Variants in FOXN3 observed in about 807,000 individuals in gnomAD.
FOXN3 encodes the protein forkhead box protein N3.
FOXN3 carries 7 observed loss-of-function variants against 38.4 expected under a neutral mutation model. The ratio of observed to expected loss-of-function variants is 0.18; its 90% CI spans 0.10 to 0.34. The LOEUF is 0.34. Ranked by LOEUF, FOXN3 falls within the 10% of genes least tolerant of loss-of-function variation. The pLI is 1.00. For missense variants in FOXN3, 456 were observed against 613.4 expected, an observed-to-expected ratio of 0.74 and a Z score of 2.71; for synonymous variants, 230 against 242.2, an observed-to-expected ratio of 0.95 and a Z score of 0.47.
At position 89,288,122 on chromosome 14, in the gene FOXN3, G is replaced by A. The variant is rs148600063; in HGVS notation, c.681-7108C>T. 4.6e-5 allele frequency among the ~76,000 whole-genome samples: 7 copies of A among 152,154 alleles called. No individual in the cohort carries two copies. In the East Asian group the frequency reaches 5.8e-4, roughly 13 times the overall value. On this transcript the variant is annotated intron_variant, in intron 3 of 5. Transcript: ENST00000557258. ...TCCTGCAAAGATCCAAAATGGGCACGCGATCAAGAGACAGAAAGAGACCAG... is the reference window on the plus strand; with the variant it reads ...TCCTGCAAAGATCCAAAATGGGCACACGATCAAGAGACAGAAAGAGACCAG...
At chr14:89,446,453 T>C (rs570492928) in intron 1 of FOXN3, among the ~76,000 whole-genome samples, 1 of 152,224 alleles carries the variant, frequency 6.6e-6, no homozygotes, top group South Asian at 2.1e-4. Flanking sequence ...CCTCCCAAAA[T>C]GCTGAGATTA....
chr14:89,177,181 T>C (rs182133871), intron 5 of FOXN3, among the ~76,000 whole-genome samples: 3 of 152,176 alleles, frequency 2.0e-5, no homozygotes, highest in Admixed American at 2.0e-4. Context: ...CAGCTAATTT[T>C]TGTACTTTTA....
chr14:89,574,816 C>T (rs375347842), intron 1 of FOXN3, among the ~76,000 whole-genome samples: 4 of 152,102 alleles, frequency 2.6e-5, no homozygotes, highest in Non-Finnish European at 4.4e-5. Flanking sequence ...CAAAGACCTC[C>T]GAGGCTCCTC....
chr14:89,519,551 C>T (rs552978740), intron 1 of FOXN3, among the ~76,000 whole-genome samples: 7 of 129,706 alleles, frequency 5.4e-5, no homozygotes, highest in South Asian at 2.4e-4. Context: ...CTGTTGGCGA[C>T]GATTTGGAGG....
chr14:89,366,389 T>C (rs1460159985), intron 2 of FOXN3, among the ~76,000 whole-genome samples: 1 of 152,242 alleles, frequency 6.6e-6, no homozygotes, highest in East Asian at 1.9e-4. Context: ...TCTTTTTTTC[T>C]AACAGTTGTT....
chr14:89,496,035 A>G (rs1393843681), intron 1 of FOXN3, among the ~76,000 whole-genome samples: 1 of 152,152 alleles, frequency 6.6e-6, no homozygotes. Context: ...CAACGTGGTA[A>G]AATCCCGTCT....
intron 4 of FOXN3, among the ~76,000 whole-genome samples, chr14:89,206,868 C>G (rs1015365146): frequency 9.9e-5 from 15 of 152,052 alleles, no homozygotes; most frequent in African/African-American, 3.6e-4. Flanking sequence ...CTAAGCCGTG[C>G]CTGGGAGCCT....
chr14:89,374,236 C>A (rs1890403127), intron 2 of FOXN3, among the ~76,000 whole-genome samples: 1 of 118,054 alleles, frequency 8.5e-6, no homozygotes, highest in Admixed American at 1.2e-4. Context: ...TGCACTCCAG[C>A]CAGGGCAACA....
chr14:89,164,126 G>A lies in FOXN3; in HGVS notation c.852-1157C>T, dbSNP rs1255692455. ...GACCACGGCTTGGCCTGACAGCAAT[G>A]GCTGTGAAGCTTATTCCTGGTTAGG... is the stretch of plus-strand genomic sequence containing the variant. On this transcript the variant is annotated intron_variant, in intron 5 of 5. Transcript: ENST00000557258. The surrounding 1 kb of genome is among the most constrained non-coding windows in gnomAD (Gnocchi z 4.3). 6.6e-6 allele frequency among the ~76,000 whole-genome samples: 1 copy of A among 152,222 alleles called. No individual in the cohort carries two copies. Among genetic ancestry groups the A allele is most frequent in the African/African-American group, 2.4e-5 (1 of 41,444 alleles).
rs149697919 is a variant in FOXN3 at position 89,389,138 on chromosome 14, C to T, written c.543+22796G>A. Among the ~76,000 whole-genome samples, 710 of 152,134 alleles carry T rather than the reference C, an allele frequency of 4.7e-3. 7 individuals carry two copies. The highest frequency in any genetic ancestry group is 0.014 in the Middle Eastern group (4 of 294). On this transcript the variant is annotated intron_variant, in intron 2 of 5. Transcript: ENST00000557258. ...GCAGCCTGAGGGGAACTTACAGGCCCGTTTGGGAGGAATTTGTCTTTATGG... is the reference window on the plus strand; with the variant it reads ...GCAGCCTGAGGGGAACTTACAGGCCTGTTTGGGAGGAATTTGTCTTTATGG...
chr14:89,304,321 G>A (rs879381796), intron 3 of FOXN3, among the ~76,000 whole-genome samples: 7 of 152,158 alleles, frequency 4.6e-5, no homozygotes, highest in Non-Finnish European at 8.8e-5. Flanking sequence ...GGGAAGGGGC[G>A]GTAAGGTTAG....
intron 4 of FOXN3, among the ~76,000 whole-genome samples, chr14:89,191,527 G>GT (rs2139808518): frequency 6.6e-6 from 1 of 152,272 alleles, no homozygotes; most frequent in East Asian, 1.9e-4. Flanking sequence ...GCACTTGTCA[G>GT]TTTTTGTACA....
intron 3 of FOXN3, among the ~76,000 whole-genome samples, chr14:89,283,002 A>G (rs12433915): frequency 0.013 from 1,905 of 152,306 alleles, 39 homozygotes; most frequent in African/African-American, 0.044. Context: ...GTACTCTAGT[A>G]GTGGAGAGAG....
rs149768705 is a variant in FOXN3, at chr14:89,214,445, G to A, written c.746-33639C>T. ...TCACATCTATTTGCTCCGCTGCCCC[G>A]ACAACTTAACAGCAAACAAAGGCCT... is the stretch of plus-strand genomic sequence containing the variant. On this transcript the variant is annotated intron_variant, in intron 4 of 5. Transcript: ENST00000557258. 1.9e-3 allele frequency among the ~76,000 whole-genome samples: 295 copies of A among 152,292 alleles called. 3 individuals carry two copies. The highest frequency in any genetic ancestry group is 6.4e-3 in the African/African-American group (264 of 41,558).
At chr14:89,596,017 A>G (rs1237110145) in intron 1 of FOXN3, among the ~76,000 whole-genome samples, 1 of 152,192 alleles carries the variant, frequency 6.6e-6, no homozygotes, top group Non-Finnish European at 1.5e-5. Flanking sequence ...GATTTCAAAT[A>G]TATTACACTA....
intron 1 of FOXN3, among the ~76,000 whole-genome samples, chr14:89,572,614 A>C (rs912031263): frequency 6.6e-5 from 10 of 152,330 alleles, no homozygotes; most frequent in African/African-American, 2.4e-4. Context: ...ATCATTAGCA[A>C]TGTCTTCTGC....
rs1887091421 is a variant in FOXN3, at chr14:89,161,278, A to T, written c.*1136T>A. 1 of 151,590 alleles carries T rather than the reference A, an allele frequency of 6.6e-6. No individual in the cohort carries two copies. Among genetic ancestry groups the T allele is most frequent in the Non-Finnish European group, 1.5e-5 (1 of 67,862 alleles). 9.4% of individuals were successfully genotyped at this position (151,590 alleles called of 1,614,324 possible). ...AACTCCATTTTGAGGGCAGTATAGG[A>T]GTTATTTTATTTTTTGCCATGTTTT... is the stretch of plus-strand genomic sequence containing the variant. On this transcript the variant is annotated 3_prime_UTR_variant, in exon 6 of 6. Transcript: ENST00000557258.
chr14:89,345,071 A>G (rs1376614251), intron 3 of FOXN3, among the ~76,000 whole-genome samples: 1 of 152,178 alleles, frequency 6.6e-6, no homozygotes, highest in East Asian at 1.9e-4. Flanking sequence ...CTCGGTGTGC[A>G]TGAGTAGCCC....
At chr14:89,574,969 A>AC (rs1170815278) in intron 1 of FOXN3, among the ~76,000 whole-genome samples, 2 of 152,156 alleles carry the variant, frequency 1.3e-5, no homozygotes, top group African/African-American at 4.8e-5. Context: ...CTCTACTGCT[A>AC]CCCCACCAGC....
Sources: allele counts gnomAD v4.1 joint callset (sites outside exome capture counted in the v4.1 genomes callset), GRCh38; gene constraint gnomAD v4.1.1; non-coding constraint Gnocchi (gnomAD v3.1); transcripts MANE v1.5; gene names NCBI Gene and HGNC (gene_info 2026-07-23, HGNC 2026-07-21).